GRM5: variants seen among roughly 807,000 people sequenced by gnomAD.
The protein encoded by GRM5 is glutamate metabotropic receptor 5, also known as metabotropic glutamate receptor 5.
GRM5 carries 19 observed loss-of-function variants against 83.1 expected under a neutral mutation model. That is an observed-to-expected ratio of 0.23 (90% CI 0.16 to 0.34). The LOEUF is 0.34. Ranked by LOEUF, GRM5 falls within the 10% of genes least tolerant of loss-of-function variation. The pLI, the probability that GRM5 is intolerant of heterozygous loss-of-function variation, is 1.00. For missense variants in GRM5, 1,160 were observed against 1,588.3 expected (o/e 0.73, Z 4.58); for synonymous variants, 675 against 633.6 (o/e 1.07, Z -0.98).
rs936876191 is a variant in GRM5 at position 88,646,002 on chromosome 11, T to C, written c.1147+7166A>G. Among the ~76,000 whole-genome samples, 4 of 152,070 alleles carry C rather than the reference T, an allele frequency of 2.6e-5. No individual in the cohort carries two copies. The East Asian group carries it at 7.7e-4, about 29-fold the overall frequency. On this transcript the variant is annotated intron_variant, in intron 4 of 9. Transcript: ENST00000305447. ...AACCTAAAGTTTGAGGTGGTGGTTA[T>C]AGAAGTTATAATGAAGTTAATTTTA... is the stretch of plus-strand genomic sequence containing the variant.
At chr11:88,868,323 C>T (rs2135558562) in intron 2 of GRM5, among the ~76,000 whole-genome samples, 1 of 151,962 alleles carries the variant, frequency 6.6e-6, no homozygotes, top group African/African-American at 2.4e-5. Context: ...CCGGCTCTGA[C>T]ATCTACTAGT....
chr11:88,628,410 A>G (rs1013859525), intron 4 of GRM5, among the ~76,000 whole-genome samples: 5 of 152,206 alleles, frequency 3.3e-5, no homozygotes, highest in African/African-American at 1.2e-4. Flanking sequence ...AATTTAACTC[A>G]TGCCTTGAAT....
intron 2 of GRM5, among the ~76,000 whole-genome samples, chr11:88,944,044 T>C (rs560287515): frequency 6.6e-6 from 1 of 152,138 alleles, no homozygotes; most frequent in South Asian, 2.1e-4. Context: ...TAGATGATCC[T>C]AAAGTTGTGT....
chr11:88,907,271 A>T (rs1590955075), intron 2 of GRM5, among the ~76,000 whole-genome samples: 7 of 152,114 alleles, frequency 4.6e-5, no homozygotes, highest in Admixed American at 4.6e-4. Flanking sequence ...TTTTCCTGAA[A>T]GCCTTCCAAC....
At chr11:88,799,980 T>C (rs1232563650) in intron 3 of GRM5, among the ~76,000 whole-genome samples, 1 of 151,748 alleles carries the variant, frequency 6.6e-6, no homozygotes, top group East Asian at 1.9e-4. Flanking sequence ...AACCTCCCAG[T>C]GAAAAGAGAA....
In GRM5 at chr11:88,537,184, T is replaced by C. The variant is rs572876841; in HGVS notation, c.2631-11780A>G. Among the ~76,000 whole-genome samples, 11 of 152,298 alleles carry C rather than the reference T, an allele frequency of 7.2e-5. No individual in the cohort carries two copies. In the South Asian group the frequency reaches 2.3e-3, roughly 32 times the overall value. On this transcript the variant is annotated intron_variant, in intron 8 of 9. Coordinates refer to ENST00000305447, the MANE Select transcript of GRM5 (RefSeq NM_001143831.3). ...GGTCGTACATGAAGTTAATAGTGTA[T>C]ACTTAGTGGAGCTAGGCTTTGAGCA...
At chr11:88,535,705 AATTGTT>A (rs1195539771) in intron 8 of GRM5, among the ~76,000 whole-genome samples, 1 of 152,150 alleles carries the variant, frequency 6.6e-6, no homozygotes, top group Non-Finnish European at 1.5e-5. Context: ...GAATTTCTGA[AATTGTT>A]ATAGCATTTA....
At chr11:88,769,537 G>A (rs1486071317) in intron 3 of GRM5, among the ~76,000 whole-genome samples, 1 of 151,954 alleles carries the variant, frequency 6.6e-6, no homozygotes, top group East Asian at 1.9e-4. Context: ...TAAAAGATGA[G>A]CCTGGAGCAT....
chr11:88,754,652 A>T (rs1942359100), intron 3 of GRM5, among the ~76,000 whole-genome samples: 1 of 152,070 alleles, frequency 6.6e-6, no homozygotes, highest in African/African-American at 2.4e-5. Flanking sequence ...AAAAATTTAC[A>T]GTTATTGGGT....
At chr11:88,821,687 G>C (rs541366347) in intron 3 of GRM5, among the ~76,000 whole-genome samples, 1 of 152,054 alleles carries the variant, frequency 6.6e-6, no homozygotes, top group Non-Finnish European at 1.5e-5. Context: ...AATTCCCCCT[G>C]CTTGAAATCT....
intron 2 of GRM5, among the ~76,000 whole-genome samples, chr11:88,978,971 A>T (rs1352941607): frequency 6.6e-6 from 1 of 152,194 alleles, no homozygotes; most frequent in Admixed American, 6.5e-5. Flanking sequence ...AATACTATAG[A>T]GTGTATCAAA....
intron 3 of GRM5, among the ~76,000 whole-genome samples, chr11:88,666,339 G>C (rs1299398711): frequency 6.6e-6 from 1 of 152,204 alleles, no homozygotes; most frequent in African/African-American, 2.4e-5. Context: ...CTTTTGTGCT[G>C]TATCACAACA....
intron 3 of GRM5, among the ~76,000 whole-genome samples, chr11:88,706,916 G>A (rs1279928564): frequency 3.9e-5 from 6 of 151,966 alleles, no homozygotes; most frequent in Non-Finnish European, 4.4e-5. Flanking sequence ...TGAAGTTGAC[G>A]ATCTTATATT....
chr11:88,909,787 A>G (rs1442001133), intron 2 of GRM5, among the ~76,000 whole-genome samples: 1 of 152,054 alleles, frequency 6.6e-6, no homozygotes, highest in Non-Finnish European at 1.5e-5. Flanking sequence ...CTCATCTAAT[A>G]TTAATGCCCA....
intron 8 of GRM5, among the ~76,000 whole-genome samples, chr11:88,536,105 A>C (rs1942123830): frequency 6.6e-6 from 1 of 152,226 alleles, no homozygotes; most frequent in Non-Finnish European, 1.5e-5. Context: ...TTAGTGTTAC[A>C]TTCTTAAACT....
intron 7 of GRM5, among the ~76,000 whole-genome samples, chr11:88,574,928 TGAA>T (rs760678162): frequency 9.2e-5 from 14 of 151,622 alleles, no homozygotes; most frequent in Non-Finnish European, 1.8e-4. Flanking sequence ...CATCCAACTA[TGAA>T]GGTCAGATAG....
At chr11:88,925,721 G>A (rs1305226954) in intron 2 of GRM5, 3 of 453,150 alleles carry the variant, frequency 6.6e-6, no homozygotes, top group Non-Finnish European at 1.3e-5. Context: ...AGACCAGCCT[G>A]GCCAAGATGA....
At chr11:88,592,288 T>G (rs981790442) in intron 6 of GRM5, among the ~76,000 whole-genome samples, 3 of 152,176 alleles carry the variant, frequency 2.0e-5, no homozygotes, top group Non-Finnish European at 4.4e-5. Context: ...TAGGATTAAA[T>G]AAAACAACAC....
chr11:88,570,635 A>G (rs1435920671), intron 7 of GRM5, among the ~76,000 whole-genome samples: 1 of 127,314 alleles, frequency 7.9e-6, no homozygotes, highest in Non-Finnish European at 1.5e-5. Flanking sequence ...GCTAGAGTGC[A>G]GTGGTGTGAT....
Sources: gnomAD v4.1 joint callset for allele counts (sites outside exome capture counted in the v4.1 genomes callset) on GRCh38, gnomAD v4.1.1 for gene constraint, MANE v1.5 for transcripts, NCBI Gene and HGNC (gene_info 2026-07-23, HGNC 2026-07-21) for gene names.